Variants in NHSL1 observed in about 807,000 individuals in gnomAD.
NHSL1 encodes the protein NHS-like protein 1.
A neutral mutation model predicts 95.0 loss-of-function variants in NHSL1; 48 were observed. The observed-to-expected ratio is 0.51, with a 90% CI of 0.40 to 0.64. NHSL1 has a LOEUF of 0.64. NHSL1 is among the 30% of genes least tolerant of loss of function. The pLI, the probability that NHSL1 is intolerant of heterozygous loss-of-function variation, is 0.00. For synonymous variants in NHSL1, 783 were observed against 833.9 expected, an observed-to-expected ratio of 0.94 and a Z score of 1.05; for missense variants, 1,971 against 2,077.7, an observed-to-expected ratio of 0.95 and a Z score of 1.00.
upstream of NHSL1, among the ~76,000 whole-genome samples, chr6:138,547,925 G>A (rs1782864090): frequency 6.6e-6 from 1 of 152,162 alleles, no homozygotes; most frequent in Admixed American, 6.5e-5. Flanking sequence ...ATATTTTCAT[G>A]GGTTACATTT....
At chr6:138,434,726 A>G (rs900673870) in intron 5 of NHSL1, among the ~76,000 whole-genome samples, 4 of 152,224 alleles carry the variant, frequency 2.6e-5, no homozygotes, top group Non-Finnish European at 5.9e-5. Context: ...ATGCGAGTCA[A>G]GCACACCCCT....
Position 138,611,709 on chromosome 6 carries a change from G to A in NHSL1, c.96+80767C>T, listed in dbSNP as rs563067930. Among the ~76,000 whole-genome samples, 11 of 152,110 alleles carry A rather than the reference G, an allele frequency of 7.2e-5. No individual in the cohort carries two copies. The South Asian group carries it at 2.1e-3, about 29-fold the overall frequency. On this transcript the variant is annotated intron_variant, in intron 1 of 3. Transcript: ENST00000491526. ...TGCAGTGAGCTGAGATCACGCCACT[G>A]CACTCCAGCCTGGGCGAAAGAGCGA...
At chr6:138,656,753 T>C (rs1356494901) in intron 1 of NHSL1, among the ~76,000 whole-genome samples, 2 of 152,192 alleles carry the variant, frequency 1.3e-5, no homozygotes, top group African/African-American at 4.8e-5. Context: ...AATGTTTTCC[T>C]AGCTGGCTAA....
chr6:138,434,398 A>G, intron 5 of NHSL1, among the ~76,000 whole-genome samples: 1 of 151,784 alleles, frequency 6.6e-6, no homozygotes. Flanking sequence ...AACCAAACAG[A>G]GAATAGTATG....
intron 2 of NHSL1, among the ~76,000 whole-genome samples, chr6:138,478,066 C>G (rs1256173086): frequency 1.0e-5 from 1 of 97,000 alleles, no homozygotes; most frequent in Non-Finnish European, 2.0e-5. Flanking sequence ...CTTTTTTTGC[C>G]CAGGCTGGAA....
At chr6:138,550,707 A>C (rs896125597), upstream of NHSL1, among the ~76,000 whole-genome samples, 1 of 152,240 alleles carries the variant, frequency 6.6e-6, no homozygotes, top group African/African-American at 2.4e-5. Flanking sequence ...TTTCCATAAA[A>C]TAGTGGGGAT....
intron 1 of NHSL1, among the ~76,000 whole-genome samples, chr6:138,646,602 A>G (rs965010370): frequency 6.6e-6 from 1 of 152,200 alleles, no homozygotes; most frequent in African/African-American, 2.4e-5. Flanking sequence ...CCCTCAATAT[A>G]ATCTGCCAAT....
intron 1 of NHSL1, among the ~76,000 whole-genome samples, chr6:138,634,647 A>G (rs766992058): frequency 2.6e-5 from 4 of 152,198 alleles, no homozygotes; most frequent in Admixed American, 6.6e-5. Context: ...CAGTTTGTCC[A>G]CACAGAAAAA....
chr6:138,657,640 C>A (rs980573166), intron 1 of NHSL1, among the ~76,000 whole-genome samples: 1 of 151,352 alleles, frequency 6.6e-6, no homozygotes, highest in Non-Finnish European at 1.5e-5. Context: ...GGTGAAACCC[C>A]GTCTCTACTA....
chr6:138,466,635 T>C (rs1223776529), intron 3 of NHSL1, among the ~76,000 whole-genome samples: 2 of 152,180 alleles, frequency 1.3e-5, no homozygotes, highest in Non-Finnish European at 2.9e-5. Flanking sequence ...GCATATATGA[T>C]GGTGGTCCCA....
At chr6:138,506,891 G>A (rs181295566) in intron 1 of NHSL1, among the ~76,000 whole-genome samples, 1 of 152,206 alleles carries the variant, frequency 6.6e-6, no homozygotes, top group Admixed American at 6.5e-5. Context: ...CAAATTGAGT[G>A]GACTTATAAA....
intron 1 of NHSL1, among the ~76,000 whole-genome samples, chr6:138,513,348 CTAACATTTATTCATGAATGTAAG>C (rs1198696357): frequency 6.6e-6 from 1 of 152,134 alleles, no homozygotes; most frequent in Admixed American, 6.5e-5. Flanking sequence ...ATGAATAAAC[CTAACATTTATTCATGAATGTAAG>C]TAACTTTTTT....
intron 1 of NHSL1, among the ~76,000 whole-genome samples, chr6:138,577,887 C>G (rs1340570037): frequency 6.6e-6 from 1 of 152,074 alleles, no homozygotes; most frequent in East Asian, 1.9e-4. Flanking sequence ...CCCCCAGGAC[C>G]ACAGCAAACA....
chr6:138,501,145 A>T (rs1780652823), upstream of NHSL1, among the ~76,000 whole-genome samples: 1 of 152,170 alleles, frequency 6.6e-6, no homozygotes, highest in Non-Finnish European at 1.5e-5. Flanking sequence ...TGAAAACAGA[A>T]ATTGTTCTTT....
chr6:138,445,082 G>A (rs549190853), intron 4 of NHSL1, among the ~76,000 whole-genome samples: 4 of 152,248 alleles, frequency 2.6e-5, no homozygotes, highest in African/African-American at 9.6e-5. Context: ...TTAAAGCTCA[G>A]AGACATGACA....
chr6:138,429,502 A>G (rs1397120520), intron 7 of NHSL1, among the ~76,000 whole-genome samples: 1 of 152,218 alleles, frequency 6.6e-6, no homozygotes, highest in African/African-American at 2.4e-5. Flanking sequence ...ACTGTCCCCA[A>G]TGTCATAAAA....
At chr6:138,468,603 T>A (rs561225982) in intron 3 of NHSL1, among the ~76,000 whole-genome samples, 26 of 152,200 alleles carry the variant, frequency 1.7e-4, no homozygotes, top group Admixed American at 7.2e-4. Context: ...TGATCTGACA[T>A]GGAACAGTTT....
At chr6:138,428,208 A>T (rs892747961) in intron 7 of NHSL1, among the ~76,000 whole-genome samples, 13 of 152,224 alleles carry the variant, frequency 8.5e-5, no homozygotes, top group African/African-American at 3.1e-4. Context: ...TGGCTATTAT[A>T]AATAGACAGA....
chr6:138,686,883 A>G (rs1167145885), intron 1 of NHSL1, among the ~76,000 whole-genome samples: 1 of 152,174 alleles, frequency 6.6e-6, no homozygotes, highest in Non-Finnish European at 1.5e-5. Context: ...TCTAATTTTA[A>G]CGAAAGTTCC....
Sources: gnomAD v4.1 joint callset for allele counts (sites outside exome capture counted in the v4.1 genomes callset) on GRCh38, gnomAD v4.1.1 for gene constraint, MANE v1.5 for transcripts, NCBI Gene and HGNC (gene_info 2026-07-23, HGNC 2026-07-21) for gene names.